The following ACVR1C variants were observed in gnomAD, a reference collection of about 807,000 sequenced individuals.
ACVR1C encodes the protein activin A receptor type 1C, also known as activin receptor type-1C.
In ACVR1C, 23 loss-of-function variants were observed where a neutral mutation model predicts 57.9. The ratio of observed to expected loss-of-function variants is 0.40; its 90% CI spans 0.29 to 0.56. ACVR1C has a LOEUF of 0.56. Among genes scored for constraint, ACVR1C ranks in the 20% least tolerant of loss-of-function variants. ACVR1C has a pLI of 0.50. For missense variants in ACVR1C, 480 were observed against 607.9 expected, an observed-to-expected ratio of 0.79 and a Z score of 2.21; for synonymous variants, 214 against 215.3, an observed-to-expected ratio of 0.99 and a Z score of 0.05.
At chr2:157,621,358 A>G (rs541992417) in intron 1 of ACVR1C, among the ~76,000 whole-genome samples, 17 of 152,290 alleles carry the variant, frequency 1.1e-4, no homozygotes, top group Admixed American at 7.2e-4. Flanking sequence ...GCCCCTGAGA[A>G]GGAGCAAAGT....
chr2:157,577,354 T>G (rs1367010526), intron 2 of ACVR1C, among the ~76,000 whole-genome samples: 1 of 152,206 alleles, frequency 6.6e-6, no homozygotes, highest in Admixed American at 6.5e-5. Flanking sequence ...GACAGTGGTA[T>G]GCTGAAATCT....
intron 4 of ACVR1C, among the ~76,000 whole-genome samples, chr2:157,545,419 A>AT (rs1400078074): frequency 3.9e-5 from 6 of 152,192 alleles, no homozygotes; most frequent in African/African-American, 1.4e-4. Context: ...TAATTTCCAA[A>AT]TCTGGGTAGT....
chr2:157,574,492 T>C (rs988162609), intron 2 of ACVR1C, among the ~76,000 whole-genome samples: 1 of 152,216 alleles, frequency 6.6e-6, no homozygotes, highest in Non-Finnish European at 1.5e-5. Flanking sequence ...ATTTAGACCA[T>C]AGCAGACTCT....
At chr2:157,536,297 A>G (rs1332924998) in intron 8 of ACVR1C, among the ~76,000 whole-genome samples, 1 of 152,214 alleles carries the variant, frequency 6.6e-6, no homozygotes, top group Non-Finnish European at 1.5e-5. Flanking sequence ...GCCACAAACC[A>G]CTAGAATTAG....
At chr2:157,619,798 AG>A (rs929662032) in intron 1 of ACVR1C, among the ~76,000 whole-genome samples, 1 of 152,062 alleles carries the variant, frequency 6.6e-6, no homozygotes, top group Non-Finnish European at 1.5e-5. Flanking sequence ...TAAAACCAAA[AG>A]CTATTTATTT....
intron 3 of ACVR1C, among the ~76,000 whole-genome samples, chr2:157,554,268 A>G (rs7557209): frequency 0.011 from 1,264 of 113,368 alleles, 18 homozygotes; most frequent in African/African-American, 0.022. Flanking sequence ...AGAAAGAAAG[A>G]AAGGAAGGAA....
intron 3 of ACVR1C, among the ~76,000 whole-genome samples, chr2:157,554,652 T>C (rs926502701): frequency 2.6e-5 from 4 of 152,192 alleles, no homozygotes; most frequent in Non-Finnish European, 5.9e-5. Context: ...TGCTTTTCTT[T>C]TCTGATGAAT....
intron 2 of ACVR1C, among the ~76,000 whole-genome samples, chr2:157,572,517 A>G (rs1688540644): frequency 6.6e-6 from 1 of 152,264 alleles, no homozygotes; most frequent in East Asian, 1.9e-4. Context: ...CATATAGCTC[A>G]ATGTCCTATA....
At chr2:157,541,049 T>A in intron 7 of ACVR1C, 41 bp downstream of exon 7, 4 of 1,599,132 alleles carry the variant, frequency 2.5e-6, no homozygotes, top group Non-Finnish European at 3.4e-6. Context: ...ATTCAGAGTA[T>A]CAAGGAAAGG....
At chr2:157,588,997 T>C (rs1225714863) in intron 1 of ACVR1C, among the ~76,000 whole-genome samples, 10 of 151,254 alleles carry the variant, frequency 6.6e-5, no homozygotes, top group Admixed American at 6.6e-4. Flanking sequence ...ATCTTTGCAA[T>C]TGTGAACTGT....
Position 157,550,179 on chromosome 2 carries a change from A to G in ACVR1C, c.758T>C (p.Ile253Thr). The G allele has an allele frequency of 6.2e-7, 1 of 1,614,146 alleles. No individual in the cohort carries two copies. Among genetic ancestry groups the G allele is most frequent in the Non-Finnish European group, 8.5e-7 (1 of 1,180,012 alleles). The change falls in exon 4 of 9, where the codon ATT becomes ACT. Residue 253 changes from isoleucine to threonine, a missense_variant. By Grantham distance (89) the Ile-to-Thr change is moderately conservative (BLOSUM62 -1). Transcript: ENST00000243349. ...GGAAATACCTTTGTTGTCAGCAGCA[A>G]TGAAACCAAGGATGTTTTCATGTCG... is the stretch of plus-strand genomic sequence containing the variant. The part of the protein sequence containing the change: ...MLRHENILGF[I>T]AADNKDNGTW...
rs143990251 is a variant in ACVR1C, at chr2:157,538,652, G to A, written c.1277C>T (p.Pro426Leu). The A allele has an allele frequency of 6.3e-7, 1 of 1,579,208 alleles. No homozygotes were observed. Among genetic ancestry groups the A allele is most frequent in the African/African-American group, 1.4e-5 (1 of 73,624 alleles). The change falls in exon 8 of 9, where the codon CCC becomes CTC. Residue 426 changes from proline (P) to leucine (L), a missense_variant. Transcript: ENST00000243349. ...LPYYDMVPSD[P>L]SIEEMRKVVC... The stretch of plus-strand genomic sequence containing the variant: ...AACCTTTCTCATTTCCTCTATCGAG[G>A]GATCTGAAGGCACCATGTCATAATA...
chr2:157,614,669 T>G (rs1682602190), intron 1 of ACVR1C, among the ~76,000 whole-genome samples: 1 of 152,224 alleles, frequency 6.6e-6, no homozygotes, highest in Admixed American at 6.5e-5. Context: ...TCATGCATTT[T>G]GAAGCTCTAT....
chr2:157,602,561 T>A (rs1013630566), intron 1 of ACVR1C, among the ~76,000 whole-genome samples: 2 of 152,160 alleles, frequency 1.3e-5, no homozygotes, highest in Non-Finnish European at 2.9e-5. Context: ...TACTTCTACA[T>A]GAAATAAACA....
chr2:157,554,241 A>AAGAAAGAAAGAAAGAAAGAAAGAAAGAG (rs1688011421), intron 3 of ACVR1C, among the ~76,000 whole-genome samples: 4 of 136,062 alleles, frequency 2.9e-5, no homozygotes, highest in Non-Finnish European at 6.0e-5. Flanking sequence ...GAAAGAAAGA[A>AAGAAAGAAAGAAAGAAAGAAAGAAAGAG]AGAAAGAAAG....
intron 1 of ACVR1C, among the ~76,000 whole-genome samples, chr2:157,612,817 A>G (rs1462948060): frequency 6.6e-6 from 1 of 152,174 alleles, no homozygotes; most frequent in African/African-American, 2.4e-5. Flanking sequence ...CTTTAGCTAG[A>G]CACTGGGGAA....
At chr2:157,561,960 G>A (rs1358981022) in intron 2 of ACVR1C, among the ~76,000 whole-genome samples, 1 of 152,148 alleles carries the variant, frequency 6.6e-6, no homozygotes, top group African/African-American at 2.4e-5. Context: ...TATGTAATAT[G>A]TGACCCATCT....
Position 157,533,904 on chromosome 2 carries a change from C to T in ACVR1C, c.*14G>A. The T allele has an allele frequency of 6.5e-7, 1 of 1,532,218 alleles. No individual in the cohort carries two copies. The allele number at this position is 1,532,218 out of a possible 1,614,324, so 94.9% of individuals were successfully genotyped here. ...AAAGCTATGAGAGATTTCTTTTTAA[C>T]ATAATTATCATCATTAGGCTTTGCA... On this transcript the variant is annotated 3_prime_UTR_variant, in exon 9 of 9. Transcript: ENST00000243349.
intron 1 of ACVR1C, among the ~76,000 whole-genome samples, chr2:157,602,003 C>T (rs2105140711): frequency 6.6e-6 from 1 of 152,316 alleles, no homozygotes; most frequent in Non-Finnish European, 1.5e-5. Context: ...AACCACACTC[C>T]TTAAAAATAA....
Sources: gnomAD v4.1 joint callset for allele counts (sites outside exome capture counted in the v4.1 genomes callset) on GRCh38, gnomAD v4.1.1 for gene constraint, MANE v1.5 for transcripts, NCBI Gene and HGNC (gene_info 2026-07-23, HGNC 2026-07-21) for gene names.